The following VEPH1 variants were observed in gnomAD, a reference collection of about 807,000 sequenced individuals.
VEPH1 encodes ventricular zone-expressed PH domain-containing protein homolog 1.
Under a neutral mutation model 85.2 loss-of-function variants are expected in VEPH1, and 80 were observed. That is an observed-to-expected ratio of 0.94 (90% confidence interval 0.78 to 1.13). The LOEUF (loss-of-function observed/expected upper bound fraction) is 1.13, where lower values mean the gene tolerates loss of function less well. VEPH1 is among the 50% of genes most tolerant of loss of function. The probability of loss-of-function intolerance (pLI) is 0.00; values close to 1 mark genes in which losing one functional copy is unlikely to be tolerated. For missense variants in VEPH1, 955 were observed against 980.5 expected, an observed-to-expected ratio of 0.97 and a Z score of 0.35; for synonymous variants, 297 against 348.0, an observed-to-expected ratio of 0.85 and a Z score of 1.63.
intron 4 of VEPH1, chr3:157,436,915 A>G (rs969441673): frequency 1.9e-6 from 3 of 1,610,740 alleles, no homozygotes; most frequent in African/African-American, 1.3e-5. Flanking sequence ...TGTGGAAAGA[A>G]CTTTGCGTCT....
At chr3:157,437,371 G>A (rs2109187766) in intron 4 of VEPH1, 1 of 1,038,880 alleles carries the variant, frequency 9.6e-7, no homozygotes, top group African/African-American at 1.6e-5. Context: ...TTTACATGCT[G>A]TTTTTCGGAG....
chr3:157,396,958 A>T (rs1044824831), intron 6 of VEPH1, among the ~76,000 whole-genome samples: 2 of 151,918 alleles, frequency 1.3e-5, no homozygotes, highest in Non-Finnish European at 2.9e-5. Flanking sequence ...CCATTTGTCA[A>T]TTTTTGCTTT....
chr3:157,371,599 A>G (rs1261587572), intron 7 of VEPH1, among the ~76,000 whole-genome samples: 1 of 152,212 alleles, frequency 6.6e-6, no homozygotes. Flanking sequence ...TACGGTCCCC[A>G]GGTGTCCAGT....
chr3:157,366,799 G>T (rs901564904), intron 7 of VEPH1, among the ~76,000 whole-genome samples: 1 of 152,004 alleles, frequency 6.6e-6, no homozygotes, highest in African/African-American at 2.4e-5. Context: ...TACTTTTTAG[G>T]AAAAAGCAAT....
At chr3:157,440,673 C>T (rs1367648786) in intron 4 of VEPH1, among the ~76,000 whole-genome samples, 3 of 151,368 alleles carry the variant, frequency 2.0e-5, no homozygotes, top group Non-Finnish European at 2.9e-5. Flanking sequence ...TGTATATATA[C>T]GTATACATAC....
chr3:157,451,757 T>G (rs1247242553), intron 4 of VEPH1, among the ~76,000 whole-genome samples: 1 of 152,154 alleles, frequency 6.6e-6, no homozygotes, highest in Admixed American at 6.5e-5. Context: ...CCTGGCCCTA[T>G]CTCATCAACT....
Position 157,494,358 on chromosome 3 carries a change from C to T in VEPH1, c.138+854G>A, listed in dbSNP as rs183864099. Among the ~76,000 whole-genome samples the T allele has an allele frequency of 3.7e-4, 56 of 152,300 alleles. No homozygotes were observed. The East Asian group carries it at 9.4e-3, about 26-fold the overall frequency. On this transcript the variant is annotated intron_variant, in intron 2 of 13. Transcript: ENST00000362010. The stretch of plus-strand genomic sequence containing the variant: ...CTGTGCCAAGTGTTGGCTAACACTG[C>T]TGAGCTGGGAGGATGTGGGTGGATG...
At chr3:157,345,365 C>T (rs6762249) in intron 9 of VEPH1, among the ~76,000 whole-genome samples, 7,012 of 152,086 alleles carry the variant, frequency 0.046, 464 homozygotes, top group African/African-American at 0.15. Flanking sequence ...AAAAAGTGGG[C>T]GAAGGATATG....
intron 1 of VEPH1, among the ~76,000 whole-genome samples, chr3:157,500,942 T>G (rs1386791328): frequency 6.6e-6 from 1 of 152,158 alleles, no homozygotes; most frequent in Non-Finnish European, 1.5e-5. Flanking sequence ...TATGGGTTGT[T>G]GGGAGGTTTA....
intron 4 of VEPH1, chr3:157,437,910 G>T: frequency 1.3e-6 from 2 of 1,524,742 alleles, no homozygotes; most frequent in East Asian, 2.5e-5. Context: ...GCTGGCTGCC[G>T]GCAGGTAAGG....
intron 9 of VEPH1, among the ~76,000 whole-genome samples, chr3:157,330,907 T>C (rs1031272666): frequency 2.6e-5 from 4 of 152,256 alleles, no homozygotes; most frequent in African/African-American, 9.6e-5. Flanking sequence ...CAGTAAGCTA[T>C]GGGTCCTCAT....
chr3:157,405,224 T>A (rs569293271), intron 6 of VEPH1, among the ~76,000 whole-genome samples: 1 of 152,164 alleles, frequency 6.6e-6, no homozygotes. Flanking sequence ...AGGTCTTCTG[T>A]GGATTTGGTC....
At chr3:157,481,867 T>A (rs1738129252) in intron 2 of VEPH1, among the ~76,000 whole-genome samples, 1 of 149,250 alleles carries the variant, frequency 6.7e-6, no homozygotes, top group South Asian at 2.1e-4. Flanking sequence ...CATTGCTTAG[T>A]TTTTGACTTT....
intron 1 of VEPH1, among the ~76,000 whole-genome samples, chr3:157,501,181 T>C (rs977542457): frequency 2.6e-5 from 4 of 152,200 alleles, no homozygotes; most frequent in African/African-American, 9.6e-5. Flanking sequence ...ATTTATATCT[T>C]TGTTGTCCTT....
intron 12 of VEPH1, among the ~76,000 whole-genome samples, chr3:157,269,642 G>GTTTTTTTTTTTTTTTTTTTTTTT (rs11408861): frequency 6.9e-4 from 80 of 115,402 alleles, no homozygotes; most frequent in Non-Finnish European, 9.2e-4. Flanking sequence ...TGTTTTTGTT[G>GTTTTTTTTTTTTTTTTTTTTTTT]TTTTTTTTTT....
intron 5 of VEPH1, among the ~76,000 whole-genome samples, chr3:157,426,532 G>A (rs2109106312): frequency 6.6e-6 from 1 of 152,262 alleles, no homozygotes; most frequent in East Asian, 1.9e-4. Flanking sequence ...TCCTTTCCTT[G>A]ATGAAACTAC....
chr3:157,495,472 T>C lies in VEPH1; in HGVS notation c.-123A>G. ...TACTTCTTATTCCATGAAAGGTCAT[T>C]TTTCTCCAGACTTTGAGGTCTTCAT... On this transcript the variant is annotated 5_prime_UTR_variant, in exon 2 of 14. Coordinates refer to ENST00000362010, the MANE Select transcript of VEPH1 (RefSeq NM_001167912.2). The C allele has an allele frequency of 6.7e-7, 1 of 1,503,670 alleles. No homozygotes were observed. The highest frequency in any genetic ancestry group is 8.9e-7 in the Non-Finnish European group (1 of 1,128,980). The allele number at this position is 1,503,670 out of a possible 1,614,324, so 93.1% of individuals were successfully genotyped here. A position where few individuals can be genotyped will look rare whatever the true frequency, so the allele number is the denominator to read the frequency against.
chr3:157,305,503 T>C (rs1719418292), intron 11 of VEPH1, among the ~76,000 whole-genome samples: 1 of 152,214 alleles, frequency 6.6e-6, no homozygotes, highest in Non-Finnish European at 1.5e-5. Context: ...TTCATTCTCC[T>C]ATCTTTAGAC....
At chr3:157,296,411 G>A (rs964390611) in intron 11 of VEPH1, among the ~76,000 whole-genome samples, 5 of 152,186 alleles carry the variant, frequency 3.3e-5, no homozygotes, top group Admixed American at 6.5e-5. Context: ...AAGGTTCTGC[G>A]TGTGTATGCG....
Sources: allele counts gnomAD v4.1 joint callset (sites outside exome capture counted in the v4.1 genomes callset), GRCh38; gene constraint gnomAD v4.1.1; transcripts MANE v1.5; gene names NCBI Gene and HGNC (gene_info 2026-07-23, HGNC 2026-07-21).